DNAH2: variants seen among roughly 807,000 people sequenced by gnomAD.
DNAH2 encodes dynein axonemal heavy chain 2, also known as axonemal beta dynein heavy chain 2.
DNAH2 carries 323 observed loss-of-function variants against 523.5 expected under a neutral mutation model. That is an observed-to-expected ratio of 0.62 (90% CI 0.56 to 0.68). The LOEUF is 0.68. DNAH2 is among the 30% of genes least tolerant of loss of function. DNAH2 has a pLI of 0.00. For synonymous variants in DNAH2, 2,093 were observed against 2,177.4 expected, an observed-to-expected ratio of 0.96 and a Z score of 1.08; for missense variants, 4,907 against 5,701.5, an observed-to-expected ratio of 0.86 and a Z score of 4.49.
At chr17:7,759,215 C>CT (rs2075935031) in intron 15 of DNAH2, 91 bp downstream of exon 15, 9 of 1,557,028 alleles carry the variant, frequency 5.8e-6, no homozygotes, top group Admixed American at 1.9e-5. Context: ...ACCCTTTTTT[C>CT]TTTTTTACCA....
rs373023052 is a variant in DNAH2, at chr17:7,786,867, C to T, written c.6467-30C>T. On this transcript the variant is annotated intron_variant, in intron 41 of 85. Coordinates refer to ENST00000572933, the MANE Select transcript of DNAH2 (RefSeq NM_020877.5). The surrounding 1 kb of genome is among the most constrained non-coding windows in gnomAD (Gnocchi z 7.5). ...GGAGGGTGCAAGGTGAGCGGCTCCC[C>T]GGTTTCCTCATCACCCACCATCTAC... 352 of 1,613,816 alleles carry T rather than the reference C, an allele frequency of 2.2e-4. 1 individual carries two copies. The highest frequency in any genetic ancestry group is 2.5e-4 in the Non-Finnish European group (290 of 1,179,842).
In DNAH2 at chr17:7,718,545, C is replaced by G. The variant is rs1270863232; in HGVS notation, c.-269C>G. ...AGATCCCCGCTTCCTGCCATCCTAC[C>G]TTTCTGAGAGAGGCACCACTGTGAC... is the stretch of plus-strand genomic sequence containing the variant. On this transcript the variant is annotated 5_prime_UTR_variant, in exon 1 of 86. Coordinates refer to ENST00000572933, the MANE Select transcript of DNAH2 (RefSeq NM_020877.5). The G allele has an allele frequency of 6.6e-6, 1 of 152,278 alleles. No homozygotes were observed. Among genetic ancestry groups the G allele is most frequent in the Non-Finnish European group, 1.5e-5 (1 of 68,046 alleles). 9.4% of individuals were successfully genotyped at this position (152,278 alleles called of 1,614,324 possible). A position where few individuals can be genotyped will look rare whatever the true frequency, so the allele number is the denominator to read the frequency against.
rs1379395735 is a variant in DNAH2, at chr17:7,799,205, A to G, written c.8662A>G (p.Ile2888Val). The G allele has an allele frequency of 1.2e-6, 2 of 1,614,136 alleles. No homozygotes were observed. The highest frequency in any genetic ancestry group is 1.3e-5 in the African/African-American group (1 of 74,958). ...LIERVQNNLH[I>V]VLCLSPMGDP... ...TGAACGCGTGCAGAACAACCTGCAC[A>G]TCGTGCTCTGCCTCAGCCCCATGGG... is the stretch of plus-strand genomic sequence containing the variant. The change falls in exon 56 of 86, where the codon ATC (isoleucine) becomes GTC (valine). Residue 2888 changes from isoleucine to valine, a missense_variant. Around this residue, in one of 3 missense-constraint regions of DNAH2, gnomAD observed 1,851 missense variants for 2,139.4 expected, o/e 0.87. Coordinates refer to ENST00000572933, the MANE Select transcript of DNAH2 (RefSeq NM_020877.5).
chr17:7,739,672 T>TGTCTAAA, intron 8 of DNAH2, 61 bp from the exon 9 acceptor site: 3 of 1,489,128 alleles, frequency 2.0e-6, no homozygotes, highest in Non-Finnish European at 2.8e-6. Context: ...CTAAACCAAA[T>TGTCTAAA]AGCTTAGGAC....
chr17:7,780,275 C>T lies in DNAH2; in HGVS notation c.5841C>T (p.Gly1947=). ...AEIILFGEGF[G]NCKILAKKVY... is the part of the protein sequence containing the mutation. ...TCATTCTCTTTGGAGAGGGCTTTGG[C>T]AACTGCAAGGTACTCCAATAACCCC... Residue 1947 remains glycine, a synonymous_variant, in exon 37 of 86, where the codon GGC becomes GGT. Coordinates refer to ENST00000572933, the MANE Select transcript of DNAH2 (RefSeq NM_020877.5). This position sits in a 1 kb window ranked among gnomAD's most constrained non-coding sequence, Gnocchi z 4.4. The T allele has an allele frequency of 6.2e-7, 1 of 1,614,144 alleles. No individual in the cohort carries two copies.
rs1300767441 is a variant in DNAH2, at chr17:7,778,168, C to T, written c.5339C>T (p.Pro1780Leu). 2 of 1,614,234 alleles carry T rather than the reference C, an allele frequency of 1.2e-6. No homozygotes were observed. Among genetic ancestry groups the T allele is most frequent in the Non-Finnish European group, 1.7e-6 (2 of 1,180,050 alleles). ...LGNSGRLVITPLTDRCYMTLT... is the reference protein window; with the variant it reads ...LGNSGRLVITLLTDRCYMTLT... ...AACTCGGGCCGGCTCGTCATCACCC[C>T]CCTGACGGACAGGTCTGCCATGTGG... is the stretch of plus-strand genomic sequence containing the variant. The change falls in exon 34 of 86, where the codon CCC becomes CTC. Residue 1780 changes from proline to leucine, a missense_variant. Around this residue, in one of 3 missense-constraint regions of DNAH2, gnomAD observed 2,806 missense variants for 3,190.8 expected, o/e 0.88. Coordinates refer to ENST00000572933, the MANE Select transcript of DNAH2 (RefSeq NM_020877.5).
At chr17:7,809,657 G>A (rs1454205239) in intron 63 of DNAH2, among the ~76,000 whole-genome samples, 1 of 152,092 alleles carries the variant, frequency 6.6e-6, no homozygotes, top group Non-Finnish European at 1.5e-5. Flanking sequence ...GACCTCTGGG[G>A]TGCACTGCCA....
In DNAH2 at chr17:7,788,115, C is replaced by T. The variant is rs1481450028; in HGVS notation, c.6771C>T (p.Phe2257=). The T allele has an allele frequency of 1.2e-6, 2 of 1,614,208 alleles. No homozygotes were observed. Among genetic ancestry groups the T allele is most frequent in the Middle Eastern group, 1.7e-4 (1 of 6,060 alleles). ...KAEVEPLQRM[F]EKLINKMLAF... is the part of the protein sequence containing the mutation. ...AGGTGGAGCCCCTTCAACGCATGTT[C>T]GAAAAGCTCATCAACAAGATGCTGG... The change falls in exon 44 of 86, where the codon TTC becomes TTT. Residue 2257 remains phenylalanine, a synonymous_variant. Coordinates refer to ENST00000572933, the MANE Select transcript of DNAH2 (RefSeq NM_020877.5).
intron 73 of DNAH2, 130 bp from the exon 74 acceptor site, chr17:7,823,310 ATT>A: frequency 1.1e-6 from 1 of 900,828 alleles, no homozygotes; most frequent in Non-Finnish European, 1.7e-6. Context: ...AAAAAAAAAA[ATT>A]CCATTTGGTT....
At chr17:7,743,689 A>G (rs1549073) in intron 12 of DNAH2, 183,906 of 257,600 alleles carry the variant, frequency 0.71, 67,303 homozygotes, top group East Asian at 1. Flanking sequence ...AAACCACTCC[A>G]CTATCTGACT....
At position 7,819,342 on chromosome 17, in the gene DNAH2, A is replaced by G. The variant is rs760110126; in HGVS notation, c.10949A>G (p.His3650Arg). Residue 3650 changes from histidine (H) to arginine (R), a missense_variant, in exon 72 of 86, where the codon CAC becomes CGC. Coordinates refer to ENST00000572933, the MANE Select transcript of DNAH2 (RefSeq NM_020877.5). Reference protein sequence around the residue: ...SLFILSIDKSHRSNKLEDRID... With the variant: ...SLFILSIDKSRRSNKLEDRID... ...TTTATTCTCAGCATTGACAAAAGCCACCGCAGCAATAAGCTGGAGGACCGC... is the reference window on the plus strand; with the variant it reads ...TTTATTCTCAGCATTGACAAAAGCCGCCGCAGCAATAAGCTGGAGGACCGC... 6 of 1,614,240 alleles carry G rather than the reference A, an allele frequency of 3.7e-6. No individual in the cohort carries two copies. In the South Asian group the frequency reaches 6.6e-5, roughly 18 times the overall value.
chr17:7,784,547 CAATAA>C (rs1190850174), intron 39 of DNAH2, among the ~76,000 whole-genome samples: 1 of 151,912 alleles, frequency 6.6e-6, no homozygotes, highest in East Asian at 1.9e-4. Flanking sequence ...CAACTCAACT[CAATAA>C]AATAAAATAA....
intron 12 of DNAH2, among the ~76,000 whole-genome samples, chr17:7,753,961 C>T (rs2075764031): frequency 6.6e-6 from 1 of 151,738 alleles, no homozygotes; most frequent in Admixed American, 6.6e-5. Context: ...AACAAACAAG[C>T]AGAAAAACCT....
rs2075928274 is a variant in DNAH2 at position 7,759,042 on chromosome 17, A to C, written c.2366A>C (p.Gln789Pro). 1.9e-6 allele frequency: 3 copies of C among 1,614,094 alleles called. No homozygotes were observed. Among genetic ancestry groups the C allele is most frequent in the Non-Finnish European group, 2.5e-6 (3 of 1,180,048 alleles). The change falls in exon 15 of 86, where the codon CAG becomes CCG. Residue 789 changes from glutamine to proline, a missense_variant. This residue lies in a region of DNAH2 where 2,806 missense variants were observed against 3,190.8 expected (regional missense o/e 0.88). Transcript: ENST00000572933. Reference protein sequence around the residue: ...EDQREHRAAVQQKLMNLHQDV... With the variant: ...EDQREHRAAVPQKLMNLHQDV... ...CAAAGAGAGCATCGGGCAGCTGTACAGCAGAAATTGATGAACCTGCACCAG... is the reference window on the plus strand; with the variant it reads ...CAAAGAGAGCATCGGGCAGCTGTACCGCAGAAATTGATGAACCTGCACCAG...
intron 10 of DNAH2, 31 bp from the exon 11 acceptor site, chr17:7,740,779 A>G: frequency 6.3e-7 from 1 of 1,587,896 alleles, no homozygotes; most frequent in South Asian, 1.1e-5. Context: ...CTTCCCGGGC[A>G]CGTCGCCAGC....
intron 58 of DNAH2, among the ~76,000 whole-genome samples, chr17:7,802,354 A>C (rs762939440): frequency 2.6e-5 from 4 of 152,140 alleles, no homozygotes; most frequent in Non-Finnish European, 4.4e-5. Flanking sequence ...TACCTGTATG[A>C]GATAGAAAAA....
chr17:7,805,353 A>C lies in DNAH2; in HGVS notation c.9402A>C (p.Arg3134=), dbSNP rs1316376204. The C allele has an allele frequency of 6.2e-7, 1 of 1,614,140 alleles. No homozygotes were observed. Among genetic ancestry groups the C allele is most frequent in the African/African-American group, 1.3e-5 (1 of 74,958 alleles). ...EIVMQAVMIL[R]GNEPTWAEAK... ...TGATGCAGGCAGTTATGATTCTTCG[A>C]GGCAACGAGCCCACATGGGCAGAGG... The change falls in exon 61 of 86, where the codon CGA becomes CGC. Residue 3134 remains arginine, a synonymous_variant. Transcript: ENST00000572933.
rs143935675 is a variant in DNAH2 at position 7,823,985 on chromosome 17, C to T, written c.11478+3C>T. 33 of 1,610,996 alleles carry T rather than the reference C, an allele frequency of 2.0e-5. No homozygotes were observed. The highest frequency in any genetic ancestry group is 5.0e-5 in the Admixed American group (3 of 59,926). The stretch of plus-strand genomic sequence containing the variant: ...CGCCTGTGCTGAATATGAAGTCGGT[C>T]GGTGGCTCGGCTTCCTTGTCCCCAC... On this transcript the variant is annotated splice_donor_region_variant and intron_variant, in intron 75 of 85. Transcript: ENST00000572933.
chr17:7,721,448 A>G (rs2074603997), intron 2 of DNAH2, among the ~76,000 whole-genome samples: 2 of 152,078 alleles, frequency 1.3e-5, no homozygotes, highest in African/African-American at 4.8e-5. Flanking sequence ...TGCTGGGATT[A>G]CAGGCGTGAG....
Sources: allele counts gnomAD v4.1 joint callset (sites outside exome capture counted in the v4.1 genomes callset), GRCh38; gene constraint gnomAD v4.1.1; regional missense constraint gnomAD v4.1.1; non-coding constraint Gnocchi (gnomAD v3.1); transcripts MANE v1.5; gene names NCBI Gene and HGNC (gene_info 2026-07-23, HGNC 2026-07-21).